SEC22A: variants seen among roughly 807,000 people sequenced by gnomAD.
SEC22A encodes the protein SEC22 homolog A, vesicle trafficking protein, also known as vesicle-trafficking protein SEC22a.
Under a neutral mutation model 35.3 loss-of-function variants are expected in SEC22A, and 22 were observed. The ratio of observed to expected loss-of-function variants is 0.62; its 90% CI spans 0.45 to 0.89. The LOEUF (loss-of-function observed/expected upper bound fraction) is 0.89, where lower values mean the gene tolerates loss of function less well. Ranked by LOEUF, SEC22A falls within the 40% of genes least tolerant of loss-of-function variation. The pLI is 0.00. For synonymous variants in SEC22A, 119 were observed against 129.5 expected (o/e 0.92, Z 0.55); for missense variants, 354 against 362.5 (o/e 0.98, Z 0.19).
intron 6 of SEC22A, among the ~76,000 whole-genome samples, chr3:123,260,608 C>T (rs1333649930): frequency 2.0e-5 from 3 of 152,092 alleles, no homozygotes; most frequent in Non-Finnish European, 4.4e-5. Flanking sequence ...TTTGTTAAAA[C>T]GTGTTACAGC....
intron 1 of SEC22A, among the ~76,000 whole-genome samples, chr3:123,202,550 T>C (rs947975444): frequency 1.3e-5 from 2 of 151,734 alleles, no homozygotes; most frequent in Non-Finnish European, 2.9e-5. Context: ...GTCTCAAGAG[T>C]CACTTTGGGA....
At chr3:123,230,699 C>CAAAAAAAAAAA (rs376679473) in intron 4 of SEC22A, among the ~76,000 whole-genome samples, 1 of 47,404 alleles carries the variant, frequency 2.1e-5, no homozygotes, top group African/African-American at 8.1e-5. Context: ...TCACTTCATG[C>CAAAAAAAAAAA]AAAAAAAAAA....
intron 2 of SEC22A, among the ~76,000 whole-genome samples, chr3:123,210,617 T>G (rs1936927177): frequency 6.6e-6 from 1 of 152,186 alleles, no homozygotes; most frequent in Non-Finnish European, 1.5e-5. Flanking sequence ...GAAGTCAGCT[T>G]ACAGTTTGTG....
chr3:123,272,182 A>G lies in SEC22A; in HGVS notation c.*460A>G, dbSNP rs1051601804. On this transcript the variant is annotated 3_prime_UTR_variant, in exon 7 of 7. Transcript: ENST00000492595. Reference sequence around the variant, plus strand: ...AAATGACTGTGATAAATATCAGATTATTTGCACACTTATGGTACTACGAGT... The same window carrying G: ...AAATGACTGTGATAAATATCAGATTGTTTGCACACTTATGGTACTACGAGT... 6.4e-6 allele frequency: 1 copy of G among 155,936 alleles called. No individual in the cohort carries two copies. Among genetic ancestry groups the G allele is most frequent in the Non-Finnish European group, 1.4e-5 (1 of 70,082 alleles). The allele number at this position is 155,936 out of a possible 1,614,324, so 9.7% of individuals were successfully genotyped here.
At chr3:123,262,616 G>T (rs1937918148) in intron 6 of SEC22A, among the ~76,000 whole-genome samples, 1 of 152,108 alleles carries the variant, frequency 6.6e-6, no homozygotes, top group Non-Finnish European at 1.5e-5. Flanking sequence ...AATAAAATAG[G>T]CTTTGTATTA....
chr3:123,202,145 T>C (rs1218801504), intron 1 of SEC22A, 159 bp downstream of exon 1: 1 of 152,706 alleles, frequency 6.5e-6, no homozygotes, highest in East Asian at 1.9e-4. Context: ...GTCCGTGCCT[T>C]TGGGATGGGA....
intron 4 of SEC22A, among the ~76,000 whole-genome samples, chr3:123,227,633 T>C (rs1011736206): frequency 3.3e-5 from 5 of 152,106 alleles, no homozygotes; most frequent in Admixed American, 3.3e-4. Flanking sequence ...TGTAAGACAA[T>C]ATCAACTATA....
At chr3:123,256,548 T>G (rs9828749) in intron 5 of SEC22A, among the ~76,000 whole-genome samples, 29,840 of 152,010 alleles carry the variant, frequency 0.2, 3,040 homozygotes, top group Middle Eastern at 0.27. Context: ...TAAGACCCAG[T>G]TTAAGCTTTA....
At chr3:123,257,098 C>T (rs1292636257) in intron 5 of SEC22A, among the ~76,000 whole-genome samples, 3 of 151,952 alleles carry the variant, frequency 2.0e-5, no homozygotes, top group Admixed American at 6.6e-5. Context: ...TAACAAAGTA[C>T]CTGGTTTGTA....
intron 2 of SEC22A, among the ~76,000 whole-genome samples, chr3:123,211,289 A>G (rs1267463975): frequency 6.6e-6 from 1 of 152,188 alleles, no homozygotes; most frequent in Non-Finnish European, 1.5e-5. Context: ...TCACTTCAAA[A>G]GAAGTGACCA....
At chr3:123,244,424 A>G (rs112623754) in intron 4 of SEC22A, among the ~76,000 whole-genome samples, 3,240 of 152,306 alleles carry the variant, frequency 0.021, 109 homozygotes, top group African/African-American at 0.074. Context: ...CTTTAAATGT[A>G]TAGACGAATT....
At chr3:123,236,585 G>A (rs183804846) in intron 4 of SEC22A, among the ~76,000 whole-genome samples, 113 of 152,204 alleles carry the variant, frequency 7.4e-4, no homozygotes, top group African/African-American at 2.7e-3. Context: ...GGTGAACTTA[G>A]TTTTGAATCA....
chr3:123,240,803 G>T (rs1159670045), intron 4 of SEC22A, among the ~76,000 whole-genome samples: 1 of 151,572 alleles, frequency 6.6e-6, no homozygotes, highest in African/African-American at 2.4e-5. Context: ...TTACTTTTAT[G>T]TTGTGCTTTA....
intron 3 of SEC22A, 82 bp downstream of exon 3, chr3:123,223,804 G>A: frequency 2.1e-6 from 2 of 965,994 alleles, no homozygotes; most frequent in South Asian, 3.5e-5. Flanking sequence ...GGGTGGAGGG[G>A]GGACTTCTGC....
At chr3:123,210,980 T>C (rs1312731718) in intron 2 of SEC22A, among the ~76,000 whole-genome samples, 2 of 152,152 alleles carry the variant, frequency 1.3e-5, no homozygotes, top group Non-Finnish European at 2.9e-5. Context: ...ACATGCGTGA[T>C]AATCATTGTG....
intron 6 of SEC22A, 148 bp from the exon 7 acceptor site, chr3:123,271,374 G>A (rs1021691737): frequency 7.9e-6 from 5 of 634,142 alleles, no homozygotes; most frequent in Non-Finnish European, 1.1e-5. Flanking sequence ...GAATGTCTTA[G>A]ATATATGCTA....
chr3:123,248,071 G>T (rs1422741329), intron 5 of SEC22A, among the ~76,000 whole-genome samples: 1 of 152,150 alleles, frequency 6.6e-6, no homozygotes, highest in Non-Finnish European at 1.5e-5. Flanking sequence ...ATTTGATAAA[G>T]AACATCTATT....
Position 123,273,874 on chromosome 3 carries a change from C to T in SEC22A, c.*2152C>T, listed in dbSNP as rs979788573. ...TTTCTTGTAAATAGGGAAGTTGGAG[C>T]ATTCTGGTTGAGATTTTGCTCTGTA... is the stretch of plus-strand genomic sequence containing the variant. On this transcript the variant is annotated 3_prime_UTR_variant, in exon 7 of 7. Coordinates refer to ENST00000492595, the MANE Select transcript of SEC22A (RefSeq NM_012430.5). 5.7e-4 allele frequency: 1 copy of T among 1,768 alleles called. No individual in the cohort carries two copies. Among genetic ancestry groups the T allele is most frequent in the African/African-American group, 6.6e-4 (1 of 1,518 alleles). 0.1% of individuals were successfully genotyped at this position (1,768 alleles called of 1,614,324 possible). A position where few individuals can be genotyped will look rare whatever the true frequency, so the allele number is the denominator to read the frequency against.
intron 2 of SEC22A, among the ~76,000 whole-genome samples, chr3:123,214,954 G>C (rs961067977): frequency 1.3e-5 from 2 of 152,120 alleles, no homozygotes; most frequent in African/African-American, 2.4e-5. Context: ...GCTACCTCCA[G>C]CCAGGAATAC....
Sources: gnomAD v4.1 joint callset for allele counts (sites outside exome capture counted in the v4.1 genomes callset) on GRCh38, gnomAD v4.1.1 for gene constraint, MANE v1.5 for transcripts, NCBI Gene and HGNC (gene_info 2026-07-23, HGNC 2026-07-21) for gene names.